Variants in C1QTNF3 observed in about 807,000 individuals in gnomAD.
The protein encoded by C1QTNF3 is complement C1q tumor necrosis factor-related protein 3.
C1QTNF3 carries 26 observed loss-of-function variants against 32.6 expected under a neutral mutation model. That is an observed-to-expected ratio of 0.80 (90% CI 0.58 to 1.11). C1QTNF3 has a LOEUF of 1.11. C1QTNF3 is among the 50% of genes least tolerant of loss of function. The pLI is 0.00. For missense variants in C1QTNF3, 362 were observed against 398.2 expected, an observed-to-expected ratio of 0.91 and a Z score of 0.77; for synonymous variants, 155 against 146.0, an observed-to-expected ratio of 1.06 and a Z score of -0.44.
chr5:34,207,958 T>C, the C1QTNF3 span, among the ~76,000 whole-genome samples: 2 of 152,008 alleles, frequency 1.3e-5, no homozygotes, highest in African/African-American at 4.8e-5. Context: ...CGGCTAATTT[T>C]TTTTGTATTT....
chr5:34,230,827 A>G, the C1QTNF3 span, among the ~76,000 whole-genome samples: 1 of 146,076 alleles, frequency 6.8e-6, no homozygotes, highest in Non-Finnish European at 1.5e-5. Flanking sequence ...AAACTCCTCC[A>G]TAACTATGTC....
At chr5:34,087,465 G>T in the C1QTNF3 span, among the ~76,000 whole-genome samples, 2 of 151,812 alleles carry the variant, frequency 1.3e-5, no homozygotes, top group East Asian at 3.9e-4. Context: ...CAACCAGCCT[G>T]GGCTCTTTTA....
chr5:34,053,449 G>A, the C1QTNF3 span, among the ~76,000 whole-genome samples: 1 of 152,164 alleles, frequency 6.6e-6, no homozygotes, highest in Non-Finnish European at 1.5e-5. Flanking sequence ...GTGTGACATG[G>A]GGCTCTCATC....
At chr5:34,161,294 C>T in the C1QTNF3 span, among the ~76,000 whole-genome samples, 1 of 152,084 alleles carries the variant, frequency 6.6e-6, no homozygotes. Flanking sequence ...TGTAGCCAAA[C>T]CTTCCACTAG....
At chr5:34,120,482 T>TTTAC in the C1QTNF3 span, among the ~76,000 whole-genome samples, 1 of 152,186 alleles carries the variant, frequency 6.6e-6, no homozygotes, top group Non-Finnish European at 1.5e-5. Flanking sequence ...ATATGCCATA[T>TTTAC]TTACTTACTT....
In C1QTNF3 at chr5:34,028,741, G is replaced by A. The variant is rs1754539875; in HGVS notation, c.700+13C>T. ...TTGATTAACTCAATCTTCATCCTATGTTTCCATCTCACCTGATACTGGGGC... is the reference window on the plus strand; with the variant it reads ...TTGATTAACTCAATCTTCATCCTATATTTCCATCTCACCTGATACTGGGGC... On this transcript the variant is annotated intron_variant, in intron 4 of 5. Coordinates refer to ENST00000382065, the MANE Select transcript of C1QTNF3 (RefSeq NM_181435.6). 1 of 1,578,782 alleles carries A rather than the reference G, an allele frequency of 6.3e-7. No homozygotes were observed. Among genetic ancestry groups the A allele is most frequent in the Non-Finnish European group, 8.6e-7 (1 of 1,161,730 alleles).
chr5:34,236,556 CTTTT>C, the C1QTNF3 span, among the ~76,000 whole-genome samples: 2 of 104,348 alleles, frequency 1.9e-5, no homozygotes, highest in Non-Finnish European at 3.7e-5. Context: ...AGTTAATTTT[CTTTT>C]TTCTTTTTTC....
the C1QTNF3 span, among the ~76,000 whole-genome samples, chr5:34,155,351 C>T: frequency 3.9e-5 from 6 of 152,168 alleles, no homozygotes; most frequent in Non-Finnish European, 8.8e-5. Context: ...GGATAAATAA[C>T]CTACAAGTAA....
At chr5:34,216,020 C>T in the C1QTNF3 span, among the ~76,000 whole-genome samples, 1 of 152,206 alleles carries the variant, frequency 6.6e-6, no homozygotes, top group Non-Finnish European at 1.5e-5. Context: ...GGTCACCACA[C>T]AGATTCCCTC....
At chr5:34,146,653 T>G in the C1QTNF3 span, among the ~76,000 whole-genome samples, 32 of 152,328 alleles carry the variant, frequency 2.1e-4, 1 homozygote, top group Middle Eastern at 3.4e-3. Flanking sequence ...TTTCACCGTA[T>G]ACAAAGCTAA....
chr5:34,243,502 T>C, the C1QTNF3 span, among the ~76,000 whole-genome samples: 1 of 152,094 alleles, frequency 6.6e-6, no homozygotes, highest in African/African-American at 2.4e-5. Flanking sequence ...ACCAGAAAAA[T>C]ATATATGCAC....
At chr5:34,165,349 A>G in the C1QTNF3 span, 4 of 152,050 alleles carry the variant, frequency 2.6e-5, no homozygotes, top group African/African-American at 9.7e-5. Flanking sequence ...TAATAAATGT[A>G]CATCTCTCTC....
At chr5:34,137,442 T>C in the C1QTNF3 span, among the ~76,000 whole-genome samples, 4 of 152,202 alleles carry the variant, frequency 2.6e-5, no homozygotes, top group Non-Finnish European at 5.9e-5. Flanking sequence ...CATTTATTTA[T>C]GTGTGAAGTC....
At chr5:34,066,938 C>A in the C1QTNF3 span, among the ~76,000 whole-genome samples, 2 of 152,034 alleles carry the variant, frequency 1.3e-5, no homozygotes, top group African/African-American at 4.8e-5. Context: ...ATGCTTTTAA[C>A]AGCACTCAAG....
the C1QTNF3 span, among the ~76,000 whole-genome samples, chr5:34,089,094 G>A: frequency 2.0e-5 from 3 of 152,170 alleles, no homozygotes; most frequent in Admixed American, 1.3e-4. Context: ...GGAAGTGGAA[G>A]TGAAGAGAGA....
the C1QTNF3 span, among the ~76,000 whole-genome samples, chr5:34,231,065 A>G: frequency 6.6e-6 from 1 of 152,170 alleles, no homozygotes. Flanking sequence ...CTCCACAAAC[A>G]TGAAAAATCT....
chr5:34,230,031 G>C, the C1QTNF3 span, among the ~76,000 whole-genome samples: 1 of 152,246 alleles, frequency 6.6e-6, no homozygotes, highest in Non-Finnish European at 1.5e-5. Context: ...AACCAGAGAG[G>C]GAGTGGGCCC....
At chr5:34,169,135 G>C in the C1QTNF3 span, 1 of 152,100 alleles carries the variant, frequency 6.6e-6, no homozygotes, top group African/African-American at 2.4e-5. Flanking sequence ...ACTTCATCTT[G>C]GATTTCCAGC....
the C1QTNF3 span, among the ~76,000 whole-genome samples, chr5:34,058,655 G>A: frequency 6.6e-6 from 1 of 152,142 alleles, no homozygotes; most frequent in Non-Finnish European, 1.5e-5. Flanking sequence ...TACCTGGCAG[G>A]CAAGCTCTGA....
Sources: allele counts gnomAD v4.1 joint callset (sites outside exome capture counted in the v4.1 genomes callset), GRCh38; gene constraint gnomAD v4.1.1; transcripts MANE v1.5; gene names NCBI Gene and HGNC (gene_info 2026-07-23, HGNC 2026-07-21).